Variants in CBX5 observed in about 807,000 individuals in gnomAD.
CBX5 encodes chromobox protein homolog 5.
Under a neutral mutation model 20.7 loss-of-function variants are expected in CBX5, and 7 were observed. The observed-to-expected ratio is 0.34, with a 90% CI of 0.19 to 0.63. CBX5 has a LOEUF of 0.63. Ranked by LOEUF, CBX5 falls within the 30% of genes least tolerant of loss-of-function variation. The probability of loss-of-function intolerance (pLI) is 0.75; values close to 1 mark genes in which losing one functional copy is unlikely to be tolerated. For synonymous variants in CBX5, 78 were observed against 77.0 expected (o/e 1.01, Z -0.07); for missense variants, 110 against 224.1 (o/e 0.49, Z 3.25).
chr12:54,266,060 A>C (rs932990985), intron 1 of CBX5, among the ~76,000 whole-genome samples: 1 of 149,462 alleles, frequency 6.7e-6, no homozygotes, highest in Non-Finnish European at 1.5e-5. Flanking sequence ...AAAAAAAAAA[A>C]CCAGGCGAAA....
intron 2 of CBX5, 21 bp from the exon 3 acceptor site, chr12:54,252,248 A>C: frequency 2.6e-6 from 4 of 1,544,908 alleles, no homozygotes; most frequent in Non-Finnish European, 3.5e-6. Flanking sequence ...AAAATGGGAA[A>C]ATTAAAAAAA....
At chr12:54,242,233 C>T (rs1468673618) in intron 4 of CBX5, among the ~76,000 whole-genome samples, 2 of 151,984 alleles carry the variant, frequency 1.3e-5, no homozygotes, top group Non-Finnish European at 2.9e-5. Flanking sequence ...CCAATCAAAC[C>T]TACATTCAGG....
Position 54,275,488 on chromosome 12 carries a change from G to A in CBX5, c.-43+4520C>T, listed in dbSNP as rs565020221. On this transcript the variant is annotated intron_variant, in intron 1 of 4. Transcript: ENST00000209875. The stretch of plus-strand genomic sequence containing the variant: ...AATCTCCTGAACTCATGATCTGCCC[G>A]CCTCGGCCTCCCAAAGTGCTGGGAT... Among the ~76,000 whole-genome samples the A allele has an allele frequency of 2.7e-4, 41 of 152,000 alleles. No homozygotes were observed. The South Asian group carries it at 7.3e-3, about 27-fold the overall frequency.
rs1592150818 is a variant in CBX5, at chr12:54,234,225, T to C, written c.*7530A>G. 7.0e-6 allele frequency: 1 copy of C among 142,062 alleles called. No individual in the cohort carries two copies. The highest frequency in any genetic ancestry group is 1.5e-5 in the Non-Finnish European group (1 of 65,440). 8.8% of individuals were successfully genotyped at this position (142,062 alleles called of 1,614,324 possible). A position where few individuals can be genotyped will look rare whatever the true frequency, so the allele number is the denominator to read the frequency against. ...AAAAAAAGGTTCAATATGGATACTC[T>C]AGGTACAGGAACCATTCCAAGACCT... On this transcript the variant is annotated 3_prime_UTR_variant, in exon 5 of 5. Transcript: ENST00000209875.
At chr12:54,242,966 A>T (rs1943693837) in intron 4 of CBX5, among the ~76,000 whole-genome samples, 1 of 151,892 alleles carries the variant, frequency 6.6e-6, no homozygotes, top group South Asian at 2.1e-4. Flanking sequence ...TCTACAAAAA[A>T]TACAAAAATC....
rs1010331502 is a variant in CBX5 at position 54,241,594 on chromosome 12, T to C, written c.*161A>G. The C allele has an allele frequency of 1.6e-6, 1 of 637,420 alleles. No homozygotes were observed. Among genetic ancestry groups the C allele is most frequent in the African/African-American group, 1.8e-5 (1 of 54,318 alleles). The allele number at this position is 637,420 out of a possible 1,614,324, so 39.5% of individuals were successfully genotyped here. ...TTATCATTAATCAGACCATCAGTTA[T>C]GTTACAAGAGAACCAATACCAACAT... is the stretch of plus-strand genomic sequence containing the variant. On this transcript the variant is annotated 3_prime_UTR_variant, in exon 5 of 5. Coordinates refer to ENST00000209875, the MANE Select transcript of CBX5 (RefSeq NM_012117.3).
chr12:54,275,674 T>G lies in CBX5; in HGVS notation c.-43+4334A>C, dbSNP rs138399190. 8.4e-4 allele frequency among the ~76,000 whole-genome samples: 127 copies of G among 152,054 alleles called. 1 individual carries two copies. Among genetic ancestry groups the G allele is most frequent in the African/African-American group, 2.9e-3 (121 of 41,480 alleles). ...TCAATGAAAAATTACCCACTAAAAT[T>G]TCACCACCAGAGAGAAAAGTTCATC... On this transcript the variant is annotated intron_variant, in intron 1 of 4. Transcript: ENST00000209875.
chr12:54,242,730 C>T (rs1337506007), intron 4 of CBX5, among the ~76,000 whole-genome samples: 1 of 151,726 alleles, frequency 6.6e-6, no homozygotes, highest in Non-Finnish European at 1.5e-5. Context: ...CTACAAATTT[C>T]AATTATCTCA....
At chr12:54,261,082 T>C (rs563036168) in intron 1 of CBX5, among the ~76,000 whole-genome samples, 12 of 151,468 alleles carry the variant, frequency 7.9e-5, no homozygotes, top group African/African-American at 2.7e-4. Flanking sequence ...TCCCAGCTAC[T>C]TGGGAGGCTA....
rs1214331790 is a variant in CBX5 at position 54,241,544 on chromosome 12, A to T, written c.*211T>A. The T allele has an allele frequency of 1.9e-6, 1 of 533,574 alleles. No homozygotes were observed. The highest frequency in any genetic ancestry group is 1.9e-5 in the African/African-American group (1 of 51,350). The allele number at this position is 533,574 out of a possible 1,614,324, so 33.1% of individuals were successfully genotyped here. On this transcript the variant is annotated 3_prime_UTR_variant, in exon 5 of 5. Transcript: ENST00000209875. ...TGTGGGTATTACACTCAGTATGTAA[A>T]TGCCTGGTCTTCACAGAGAGACACT...
chr12:54,264,847 GAAAAAA>G (rs375937146), intron 1 of CBX5, among the ~76,000 whole-genome samples: 1 of 138,884 alleles, frequency 7.2e-6, no homozygotes, highest in Non-Finnish European at 1.6e-5. Context: ...CCATCTCAAA[GAAAAAA>G]AAAAAGAAAA....
rs536569937 is a variant in CBX5 at position 54,256,429 on chromosome 12, C to T, written c.137+1085G>A. Among the ~76,000 whole-genome samples the T allele has an allele frequency of 2.1e-4, 32 of 152,274 alleles. No individual in the cohort carries two copies. In the South Asian group the frequency reaches 6.6e-3, roughly 32 times the overall value. Reference sequence around the variant, plus strand: ...CGCCAATAATTCTCCAGATGAGAAACCTTGAGTCATGTAATGAAATAACCT... The same window carrying T: ...CGCCAATAATTCTCCAGATGAGAAATCTTGAGTCATGTAATGAAATAACCT... On this transcript the variant is annotated intron_variant, in intron 2 of 4. Transcript: ENST00000209875.
At chr12:54,262,974 A>C (rs767560226) in intron 1 of CBX5, 2 of 152,276 alleles carry the variant, frequency 1.3e-5, no homozygotes, top group Non-Finnish European at 2.9e-5. Flanking sequence ...TCTTTCAGGC[A>C]TAACAGCTCT....
Position 54,233,857 on chromosome 12 carries a change from G to C in CBX5, c.*7898C>G, listed in dbSNP as rs1943593065. 1 of 151,068 alleles carries C rather than the reference G, an allele frequency of 6.6e-6. No individual in the cohort carries two copies. Among genetic ancestry groups the C allele is most frequent in the African/African-American group, 2.4e-5 (1 of 40,926 alleles). The allele number at this position is 151,068 out of a possible 1,614,324, so 9.4% of individuals were successfully genotyped here. ...GGAGGCTGAGGCAGGAGGATCATTT[G>C]AGCCCAGGAGATTGAGGCTGCAGTG... On this transcript the variant is annotated 3_prime_UTR_variant, in exon 5 of 5. Transcript: ENST00000209875.
chr12:54,261,328 C>T (rs1322614258), intron 1 of CBX5, among the ~76,000 whole-genome samples: 20 of 149,886 alleles, frequency 1.3e-4, no homozygotes, highest in Admixed American at 1.2e-3. Flanking sequence ...GACGGAGTCT[C>T]GCTCTGTCAC....
intron 1 of CBX5, among the ~76,000 whole-genome samples, chr12:54,276,442 C>G (rs567515050): frequency 6.6e-6 from 1 of 152,128 alleles, no homozygotes; most frequent in Admixed American, 6.6e-5. Context: ...ATTACTGTAC[C>G]GAAAGTGAAA....
At chr12:54,242,245 G>A (rs758009367) in intron 4 of CBX5, among the ~76,000 whole-genome samples, 3 of 152,026 alleles carry the variant, frequency 2.0e-5, no homozygotes, top group Admixed American at 6.6e-5. Flanking sequence ...ACATTCAGGG[G>A]CCGGGCACGG....
At chr12:54,261,053 T>C (rs1943912010) in intron 1 of CBX5, among the ~76,000 whole-genome samples, 1 of 151,664 alleles carries the variant, frequency 6.6e-6, no homozygotes, top group Non-Finnish European at 1.5e-5. Flanking sequence ...TAGCCAGACA[T>C]AGTAGCACTT....
intron 1 of CBX5, among the ~76,000 whole-genome samples, chr12:54,270,027 TGTTA>T (rs1943994948): frequency 6.6e-6 from 1 of 152,222 alleles, no homozygotes; most frequent in Admixed American, 6.5e-5. Context: ...TTCCTAATAT[TGTTA>T]ATTAGTATCT....
Sources: allele counts gnomAD v4.1 joint callset (sites outside exome capture counted in the v4.1 genomes callset), GRCh38; gene constraint gnomAD v4.1.1; transcripts MANE v1.5; gene names NCBI Gene and HGNC (gene_info 2026-07-23, HGNC 2026-07-21).